Variants in UGT2B7 observed in about 807,000 individuals in gnomAD.
The protein encoded by UGT2B7 is UDP-glucuronosyltransferase 2B7.
In UGT2B7, 51 loss-of-function variants were observed where a neutral mutation model predicts 51.9. The observed-to-expected ratio is 0.98, with a 90% confidence interval of 0.78 to 1.24. The LOEUF (loss-of-function observed/expected upper bound fraction) is 1.24. Ranked by LOEUF, UGT2B7 falls within the 50% of genes most tolerant of loss-of-function variation. The pLI, the probability that UGT2B7 is intolerant of heterozygous loss-of-function variation, is 0.00. For missense variants in UGT2B7, 727 were observed against 628.4 expected (o/e 1.16, Z -1.68); for synonymous variants, 225 against 211.6 (o/e 1.06, Z -0.55).
At position 69,096,518 on chromosome 4, in the gene UGT2B7, A is replaced by G. The variant is rs765909410; in HGVS notation, c.-3A>G. 5.0e-6 allele frequency: 8 copies of G among 1,613,780 alleles called. No homozygotes were observed. The African/African-American group carries it at 1.1e-4, about 22-fold the overall frequency. On this transcript the variant is annotated 5_prime_UTR_variant, in exon 1 of 6. Coordinates refer to ENST00000305231, the MANE Select transcript of UGT2B7 (RefSeq NM_001074.4). Reference sequence around the variant, plus strand: ...TGGAAAACAAGCATTGCATTGCACCAGGATGTCTGTGAAATGGACTTCAGT... The same window carrying G: ...TGGAAAACAAGCATTGCATTGCACCGGGATGTCTGTGAAATGGACTTCAGT...
intron 2 of UGT2B7, among the ~76,000 whole-genome samples, chr4:69,100,828 T>C (rs1719394018): frequency 6.6e-6 from 1 of 152,128 alleles, no homozygotes; most frequent in South Asian, 2.1e-4. Context: ...CCAGGTTGCT[T>C]TCATTTCAAT....
At chr4:69,056,928 A>G (rs974120483) in intron 1 of UGT2B7, among the ~76,000 whole-genome samples, 1 of 152,222 alleles carries the variant, frequency 6.6e-6, no homozygotes, top group Non-Finnish European at 1.5e-5. Context: ...TTAAGAAAAA[A>G]ACAAATAAGT....
intron 4 of UGT2B7, among the ~76,000 whole-genome samples, 185 bp from the exon 5 acceptor site, chr4:69,107,918 A>C (rs1719654291): frequency 6.6e-6 from 1 of 152,148 alleles, no homozygotes; most frequent in African/African-American, 2.4e-5. Flanking sequence ...GTCTGAAGTC[A>C]CACACACCGT....
upstream of UGT2B7, among the ~76,000 whole-genome samples, chr4:69,091,848 G>A (rs1274562307): frequency 6.6e-6 from 1 of 152,178 alleles, no homozygotes; most frequent in African/African-American, 2.4e-5. Flanking sequence ...ACTACAAGAA[G>A]CCTTCTTCAT....
intron 1 of UGT2B7, among the ~76,000 whole-genome samples, chr4:69,082,206 C>T (rs1315283161): frequency 3.3e-5 from 5 of 151,944 alleles, no homozygotes; most frequent in African/African-American, 7.2e-5. Context: ...AGGCCTATTT[C>T]CTGAGACACA....
chr4:69,106,174 T>TG (rs954648789), intron 3 of UGT2B7, among the ~76,000 whole-genome samples: 4 of 152,126 alleles, frequency 2.6e-5, no homozygotes, highest in African/African-American at 7.2e-5. Context: ...ACTTGTGTCA[T>TG]GGGGGGTTAT....
chr4:69,059,198 A>G (rs1164384403), intron 1 of UGT2B7, among the ~76,000 whole-genome samples: 1 of 152,184 alleles, frequency 6.6e-6, no homozygotes, highest in Non-Finnish European at 1.5e-5. Flanking sequence ...TATGGTAGAC[A>G]CCAGAGCTAA....
At position 69,097,247 on chromosome 4, in the gene UGT2B7, T is replaced by C. The variant is rs755906636; in HGVS notation, c.721+6T>C. ...GTTTTATAGTGAAGTTCTAGGTAAG[T>C]ATTTTTTTCAATCAGTAACATGAAG... On this transcript the variant is annotated splice_donor_region_variant and intron_variant, in intron 1 of 5. Transcript: ENST00000305231. 3.1e-6 allele frequency: 5 copies of C among 1,597,958 alleles called. No individual in the cohort carries two copies. Among genetic ancestry groups the C allele is most frequent in the Non-Finnish European group, 4.3e-6 (5 of 1,175,390 alleles).
chr4:69,065,780 A>G (rs1246093666), intron 1 of UGT2B7, among the ~76,000 whole-genome samples: 1 of 152,210 alleles, frequency 6.6e-6, no homozygotes, highest in Non-Finnish European at 1.5e-5. Context: ...GTAAATGAAA[A>G]ATGTAATATT....
intron 2 of UGT2B7, 68 bp from the exon 3 acceptor site, chr4:69,102,739 A>G: frequency 6.4e-7 from 1 of 1,567,202 alleles, no homozygotes; most frequent in Non-Finnish European, 8.6e-7. Flanking sequence ...AGTAATTTGC[A>G]CCAATTCTTT....
chr4:69,093,394 A>G (rs62296941), upstream of UGT2B7, among the ~76,000 whole-genome samples: 18,743 of 152,168 alleles, frequency 0.12, 1,706 homozygotes, highest in Admixed American at 0.26. Flanking sequence ...GAGGCCCAAC[A>G]CTGCTATCAC....
chr4:69,112,804 G>T lies in UGT2B7; in HGVS notation c.*68G>T, dbSNP rs1267136954. ...TACTTCAGTTTATTCCAGCAAGAAA[G>T]ATTGTGATGCAAGATTTCTTTCTTC... On this transcript the variant is annotated 3_prime_UTR_variant, in exon 6 of 6. Transcript: ENST00000305231. 1.4e-6 allele frequency: 2 copies of T among 1,402,340 alleles called. No homozygotes were observed. Among genetic ancestry groups the T allele is most frequent in the Non-Finnish European group, 9.4e-7 (1 of 1,061,834 alleles). 86.9% of individuals were successfully genotyped at this position (1,402,340 alleles called of 1,614,324 possible). A position where few individuals can be genotyped will look rare whatever the true frequency, so the allele number is the denominator to read the frequency against.
At position 69,089,867 on chromosome 4, in the gene UGT2B7, T is replaced by G. The variant is rs1440843891; in HGVS notation, c.-27+264T>G. ...AAAATATTAAGTTCCTATCTCACAT[T>G]TTGAGATTTTAAATCTTAAGTCCTG... On this transcript the variant is annotated intron_variant, in intron 2 of 5. Coordinates refer to the UGT2B7 transcript ENST00000502942. Among the ~76,000 whole-genome samples the G allele has an allele frequency of 2.0e-5, 3 of 152,150 alleles. No homozygotes were observed. In the East Asian group the frequency reaches 5.8e-4, roughly 29 times the overall value.
intron 1 of UGT2B7, among the ~76,000 whole-genome samples, chr4:69,057,691 G>T (rs1482088641): frequency 2.0e-5 from 3 of 152,162 alleles, no homozygotes; most frequent in African/African-American, 7.2e-5. Context: ...TGAAAGGAAA[G>T]GTGAATGTGC....
At chr4:69,080,855 G>C (rs1188449039) in intron 1 of UGT2B7, among the ~76,000 whole-genome samples, 1 of 152,030 alleles carries the variant, frequency 6.6e-6, no homozygotes, top group Non-Finnish European at 1.5e-5. Context: ...TGAGCTACTT[G>C]AGCATAGGAA....
intron 1 of UGT2B7, among the ~76,000 whole-genome samples, chr4:69,060,020 A>G (rs767007468): frequency 6.6e-6 from 1 of 152,210 alleles, no homozygotes; most frequent in Non-Finnish European, 1.5e-5. Flanking sequence ...GACTCCCACA[A>G]GGATTTAAAA....
At chr4:69,096,340 C>A (rs1254656459), upstream of UGT2B7, 8 of 917,150 alleles carry the variant, frequency 8.7e-6, no homozygotes, top group Middle Eastern at 2.4e-4. Flanking sequence ...GTGAACAGAT[C>A]ATTTACCTTC....
chr4:69,062,640 G>C (rs556279789), intron 1 of UGT2B7, among the ~76,000 whole-genome samples: 2 of 152,054 alleles, frequency 1.3e-5, no homozygotes, highest in Non-Finnish European at 2.9e-5. Flanking sequence ...CATCTGACCC[G>C]AATGATCCTG....
At chr4:69,081,122 A>C (rs563793469) in intron 1 of UGT2B7, among the ~76,000 whole-genome samples, 1 of 152,178 alleles carries the variant, frequency 6.6e-6, no homozygotes, top group African/African-American at 2.4e-5. Context: ...AATTGCAGAA[A>C]GATTGTAATT....
Sources: allele counts gnomAD v4.1 joint callset (sites outside exome capture counted in the v4.1 genomes callset), GRCh38; gene constraint gnomAD v4.1.1; transcripts MANE v1.5; gene names NCBI Gene and HGNC (gene_info 2026-07-23, HGNC 2026-07-21).